Variants in LYRM4 observed in about 807,000 individuals in gnomAD.
LYRM4 encodes the protein LYR motif containing 4.
A neutral mutation model predicts 11.7 loss-of-function variants in LYRM4; 9 were observed. The observed-to-expected ratio is 0.77, with a 90% CI of 0.46 to 1.34. The LOEUF (loss-of-function observed/expected upper bound fraction) is 1.34, where lower values mean the gene tolerates loss of function less well. LYRM4 is among the 40% of genes most tolerant of loss of function. LYRM4 has a pLI of 0.00. For synonymous variants in LYRM4, 42 were observed against 40.4 expected, an observed-to-expected ratio of 1.04 and a Z score of -0.15; for missense variants, 133 against 112.5, an observed-to-expected ratio of 1.18 and a Z score of -0.82.
At chr6:5,125,160 C>T (rs931339515) in intron 2 of LYRM4, among the ~76,000 whole-genome samples, 1 of 152,232 alleles carries the variant, frequency 6.6e-6, no homozygotes, top group Non-Finnish European at 1.5e-5. Context: ...CTTGCTGCAC[C>T]TGCATGGCTG....
At chr6:5,151,451 C>T (rs761262227) in intron 2 of LYRM4, among the ~76,000 whole-genome samples, 26 of 152,212 alleles carry the variant, frequency 1.7e-4, no homozygotes, top group African/African-American at 5.5e-4. Context: ...GGGTTTGCCC[C>T]GACTCCTTCA....
chr6:5,083,043 G>C, the LYRM4 span, among the ~76,000 whole-genome samples: 1 of 152,280 alleles, frequency 6.6e-6, no homozygotes, highest in East Asian at 1.9e-4. Context: ...AGCTCCCCGG[G>C]GGTGGGACCT....
intron 2 of LYRM4, among the ~76,000 whole-genome samples, chr6:5,119,651 G>A (rs531535796): frequency 1.1e-3 from 162 of 151,996 alleles, no homozygotes; most frequent in African/African-American, 3.6e-3. Context: ...TTAGCTGGAC[G>A]TGGTGGCCCA....
At chr6:5,163,862 C>T (rs1264258949) in intron 2 of LYRM4, among the ~76,000 whole-genome samples, 2 of 152,112 alleles carry the variant, frequency 1.3e-5, no homozygotes. Context: ...GATCCTCGGC[C>T]TCCCAAAGTG....
chr6:5,205,112 G>C (rs1761616207), intron 2 of LYRM4, among the ~76,000 whole-genome samples: 1 of 152,246 alleles, frequency 6.6e-6, no homozygotes, highest in South Asian at 2.1e-4. Context: ...TCACAGGGTA[G>C]GGACAGGATG....
the LYRM4 span, chr6:5,042,419 C>G: frequency 6.6e-6 from 1 of 152,452 alleles, no homozygotes; most frequent in Admixed American, 6.5e-5. Flanking sequence ...ACAGATTTGG[C>G]TGCTGTGTTC....
chr6:5,045,654 TAAGAAGACGGC>T, the LYRM4 span, among the ~76,000 whole-genome samples: 212 of 152,316 alleles, frequency 1.4e-3, 3 homozygotes, highest in African/African-American at 4.8e-3. Flanking sequence ...ACTGGCTTGT[TAAGAAGACGGC>T]AGATTCCTCT....
intron 2 of LYRM4, among the ~76,000 whole-genome samples, chr6:5,177,002 T>G (rs977496850): frequency 6.6e-6 from 1 of 152,258 alleles, no homozygotes; most frequent in African/African-American, 2.4e-5. Context: ...GATTGTTGAC[T>G]GTTTGAAAAT....
At chr6:5,260,627 C>G (rs994395632) in intron 1 of LYRM4, 21 bp downstream of exon 1, 3 of 1,528,948 alleles carry the variant, frequency 2.0e-6, no homozygotes, top group Non-Finnish European at 2.6e-6. Flanking sequence ...CGCCCCCGGC[C>G]CCCGGTGCCC....
At chr6:5,054,088 G>A in the LYRM4 span, 3 of 982,964 alleles carry the variant, frequency 3.1e-6, no homozygotes, top group Non-Finnish European at 3.6e-6. Flanking sequence ...CTTCATCCAG[G>A]AACTAACGCC....
chr6:5,175,635 A>T (rs1307503760), intron 2 of LYRM4, among the ~76,000 whole-genome samples: 2 of 152,146 alleles, frequency 1.3e-5, no homozygotes, highest in East Asian at 3.8e-4. Context: ...ATTTTGTGAC[A>T]CCCCTGCCAT....
the LYRM4 span, among the ~76,000 whole-genome samples, chr6:5,069,638 G>A: frequency 4.6e-5 from 7 of 152,042 alleles, 1 homozygote; most frequent in East Asian, 1.2e-3. Flanking sequence ...GCGCCACCAC[G>A]CCTGGATAAT....
At chr6:5,127,349 C>T (rs1407238167) in intron 2 of LYRM4, among the ~76,000 whole-genome samples, 24 of 152,022 alleles carry the variant, frequency 1.6e-4, no homozygotes, top group South Asian at 4.1e-4. Context: ...CCTCCCAATG[C>T]GCTGCGATTA....
intron 2 of LYRM4, among the ~76,000 whole-genome samples, chr6:5,212,614 G>A (rs1221400068): frequency 6.6e-6 from 1 of 152,192 alleles, no homozygotes; most frequent in Non-Finnish European, 1.5e-5. Flanking sequence ...TCTGCAGAGA[G>A]GGAGAACCTA....
intron 1 of LYRM4, among the ~76,000 whole-genome samples, chr6:5,237,204 G>C (rs1224892657): frequency 1.3e-5 from 2 of 152,158 alleles, no homozygotes; most frequent in African/African-American, 4.8e-5. Context: ...AGCTTCATCT[G>C]TATTTATAGC....
intron 1 of LYRM4, among the ~76,000 whole-genome samples, chr6:5,224,853 G>A (rs1762784113): frequency 1.3e-5 from 2 of 152,158 alleles, no homozygotes; most frequent in Admixed American, 6.5e-5. Context: ...CCAGCTACTC[G>A]GTAGGCTGAG....
At chr6:5,216,963 G>A (rs953437229) in intron 1 of LYRM4, among the ~76,000 whole-genome samples, 2 of 152,162 alleles carry the variant, frequency 1.3e-5, no homozygotes, top group Non-Finnish European at 2.9e-5. Context: ...CATACAAATG[G>A]CAAACTGCTA....
chr6:5,086,005 C>T, the LYRM4 span: 3 of 1,519,614 alleles, frequency 2.0e-6, no homozygotes, highest in Non-Finnish European at 2.6e-6. Flanking sequence ...TGCCGAGGAC[C>T]TGGAGCAGCT....
chr6:5,167,664 TCACA>T (rs1759166717), intron 2 of LYRM4, among the ~76,000 whole-genome samples: 1 of 152,190 alleles, frequency 6.6e-6, no homozygotes, highest in Non-Finnish European at 1.5e-5. Flanking sequence ...AGGAGGCATT[TCACA>T]CACAAACAAT....
Sources: allele counts gnomAD v4.1 joint callset (sites outside exome capture counted in the v4.1 genomes callset), GRCh38; gene constraint gnomAD v4.1.1; transcripts MANE v1.5; gene names NCBI Gene and HGNC (gene_info 2026-07-23, HGNC 2026-07-21).